The following DMBT1 variants were observed in gnomAD, a reference collection of about 807,000 sequenced individuals.
The protein encoded by DMBT1 is deleted in malignant brain tumors 1, also known as scavenger receptor cysteine-rich domain-containing protein DMBT1.
Under a neutral mutation model 252.9 loss-of-function variants are expected in DMBT1, and 198 were observed. The ratio of observed to expected loss-of-function variants is 0.78; its 90% CI spans 0.70 to 0.88. DMBT1 has a LOEUF of 0.88. DMBT1 is among the 40% of genes least tolerant of loss of function. DMBT1 has a pLI of 0.00. For synonymous variants in DMBT1, 990 were observed against 942.7 expected (o/e 1.05, Z -0.92); for missense variants, 2,432 against 2,404.7 (o/e 1.01, Z -0.24).
rs777711934 is a variant in DMBT1, at chr10:122,621,346, T to C, written c.5574T>C (p.Cys1858=). 6.2e-7 allele frequency: 1 copy of C among 1,613,854 alleles called. No homozygotes were observed. Among genetic ancestry groups the C allele is most frequent in the Non-Finnish European group, 8.5e-7 (1 of 1,179,758 alleles). The part of the protein sequence containing the change: ...CPHKGWLTHN[C]GHHEDAGVIC... ...ACAAAGGCTGGCTCACCCACAACTG[T>C]GGCCATCACGAAGACGCTGGTGTCA... Residue 1858 remains cysteine (C), a synonymous_variant, in exon 44 of 56, where the codon TGT becomes TGC. Transcript: ENST00000338354.
In DMBT1 at chr10:122,625,299, G is replaced by T; in HGVS notation, c.5631G>T (p.Thr1877=). 1.2e-6 allele frequency: 2 copies of T among 1,610,850 alleles called. No individual in the cohort carries two copies. Among genetic ancestry groups the T allele is most frequent in the Non-Finnish European group, 1.7e-6 (2 of 1,178,498 alleles). ...CAGCCACCCAAATAAATTCTACTAC[G>T]ACAGGTGAGTCTGCTACACCCCAGT... ...ICSATQINST[T]TDWWHPTTTT... is the part of the protein sequence containing the mutation. The change falls in exon 45 of 56, where the codon ACG becomes ACT. Residue 1877 remains threonine, a synonymous_variant. Coordinates refer to ENST00000338354, the MANE Select transcript of DMBT1 (RefSeq NM_001377530.1).
Position 122,633,253 on chromosome 10 carries a change from C to A in DMBT1, c.6460C>A (p.Pro2154Thr). ...PSGDFSSPFY[P>T]GNYPNNAKCV... Reference sequence around the variant, plus strand: ...AGGGGACTTTTCCAGCCCATTCTATCCCGGGAACTATCCAAACAATGCCAA... The same window carrying A: ...AGGGGACTTTTCCAGCCCATTCTATACCGGGAACTATCCAAACAATGCCAA... Residue 2154 changes from proline to threonine, a missense_variant, in exon 52 of 56, where the codon CCC becomes ACC. Physicochemically the swap from Pro to Thr is conservative, Grantham distance 38. Around this residue, in one of 3 missense-constraint regions of DMBT1, gnomAD observed 1,162 missense variants for 1,169.0 expected, o/e 0.99. Transcript: ENST00000338354. 6.2e-7 allele frequency: 1 copy of A among 1,614,030 alleles called. No individual in the cohort carries two copies. The highest frequency in any genetic ancestry group is 8.5e-7 in the Non-Finnish European group (1 of 1,179,902).
At chr10:122,618,393 A>C (rs962059519) in intron 41 of DMBT1, 53 bp downstream of exon 41, 2 of 1,613,078 alleles carry the variant, frequency 1.2e-6, no homozygotes, top group Non-Finnish European at 1.7e-6. Context: ...TTGCTCAGGA[A>C]GAAAATCCTA....
At chr10:122,637,041 C>CT (rs540637415) in intron 53 of DMBT1, 87 bp from the exon 54 acceptor site, 1 of 1,357,832 alleles carries the variant, frequency 7.4e-7, no homozygotes, top group Non-Finnish European at 1.0e-6. Flanking sequence ...GGTCTGTGCA[C>CT]TTTTTAAGTG....
In DMBT1 at chr10:122,585,280, C is replaced by T. The variant is rs369972758; in HGVS notation, c.1430C>T (p.Pro477Leu). 57 of 1,586,776 alleles carry T rather than the reference C, an allele frequency of 3.6e-5. 1 individual carries two copies. The highest frequency in any genetic ancestry group is 1.7e-4 in the Admixed American group (10 of 59,520). ...TCTGTTGCAATTACAGACACGTTGC[C>T]GACCATCACCTTACCTGCATCGACA... ...SWSTPSPDTL[P>L]TITLPASTVG... The change falls in exon 15 of 56, where the codon CCG becomes CTG. Residue 477 changes from proline (P) to leucine (L), a missense_variant. Transcript: ENST00000338354.
intron 26 of DMBT1, among the ~76,000 whole-genome samples, chr10:122,599,627 A>T (rs930644524): frequency 1.6e-4 from 25 of 152,182 alleles, no homozygotes; most frequent in Admixed American, 1.3e-4. Flanking sequence ...GTCCTCTCAG[A>T]TCACTGCTGA....
intron 10 of DMBT1, 127 bp from the exon 11 acceptor site, chr10:122,580,739 C>G (rs145294061): frequency 1.5e-6 from 2 of 1,356,330 alleles, no homozygotes; most frequent in African/African-American, 2.9e-5. Context: ...TGGCAATGTC[C>G]CTCCCTGTGT....
At chr10:122,622,052 T>C (rs2098075286) in intron 44 of DMBT1, among the ~76,000 whole-genome samples, 2 of 152,182 alleles carry the variant, frequency 1.3e-5, no homozygotes, top group African/African-American at 4.8e-5. Flanking sequence ...TCCTGAGACT[T>C]GCTGACTTGG....
At chr10:122,568,969 G>A (rs949206631) in intron 2 of DMBT1, among the ~76,000 whole-genome samples, 2 of 152,202 alleles carry the variant, frequency 1.3e-5, no homozygotes, top group Admixed American at 1.3e-4. Flanking sequence ...CCACACATAA[G>A]TATGTGTGCG....
intron 20 of DMBT1, among the ~76,000 whole-genome samples, chr10:122,593,179 A>G (rs761623536): frequency 2.7e-5 from 4 of 148,844 alleles, no homozygotes; most frequent in Non-Finnish European, 6.0e-5. Flanking sequence ...TGGGGAGGGC[A>G]GCCCCCATGA....
At chr10:122,591,849 A>C (rs1294051278) in intron 19 of DMBT1, among the ~76,000 whole-genome samples, 1 of 149,130 alleles carries the variant, frequency 6.7e-6, no homozygotes, top group African/African-American at 2.4e-5. Flanking sequence ...GGGAGGGTGA[A>C]AATTTCTGTC....
At chr10:122,562,109 A>G (rs563859162) in intron 1 of DMBT1, among the ~76,000 whole-genome samples, 82 of 143,576 alleles carry the variant, frequency 5.7e-4, no homozygotes, top group African/African-American at 2.1e-3. Context: ...CTTTGTTTCT[A>G]TCTTCTTTCT....
At chr10:122,598,055 T>A in intron 25 of DMBT1, 43 bp downstream of exon 25, 1 of 1,612,784 alleles carries the variant, frequency 6.2e-7, no homozygotes, top group South Asian at 1.1e-5. Flanking sequence ...ACTCTCTACC[T>A]CTGGACAAAT....
chr10:122,560,918 G>C, intron 1 of DMBT1, 87 bp downstream of exon 1: 4 of 1,044,516 alleles, frequency 3.8e-6, no homozygotes, highest in Non-Finnish European at 5.7e-6. Flanking sequence ...CATTACAAGG[G>C]AAGTTTTATA....
chr10:122,629,732 G>T lies in DMBT1; in HGVS notation c.5669-108G>T, dbSNP rs542469755. The stretch of plus-strand genomic sequence containing the variant: ...TTGTTTACAGGGAAAGTTAAGTCTT[G>T]TTATAAAGTGCAGAAGATGAAACTG... On this transcript the variant is annotated intron_variant, in intron 46 of 55. Transcript: ENST00000338354. The T allele has an allele frequency of 4.6e-5, 62 of 1,343,048 alleles. No homozygotes were observed. In the African/African-American group the frequency reaches 8.1e-4, roughly 17 times the overall value. The allele number at this position is 1,343,048 out of a possible 1,614,324, so 83.2% of individuals were successfully genotyped here.
Position 122,625,972 on chromosome 10 carries a change from A to G in DMBT1, c.5668+7A>G, listed in dbSNP as rs370114488. On this transcript the variant is annotated splice_region_variant and intron_variant, in intron 46 of 55. Transcript: ENST00000338354. Reference sequence around the variant, plus strand: ...ACAACTACAACCACTGCAAGTAGGTATCACATTTTCTACCTGAACCATAGG... The same window carrying G: ...ACAACTACAACCACTGCAAGTAGGTGTCACATTTTCTACCTGAACCATAGG... The G allele has an allele frequency of 1.3e-4, 206 of 1,609,446 alleles. 1 individual carries two copies. Among genetic ancestry groups the G allele is most frequent in the Non-Finnish European group, 1.7e-4 (201 of 1,175,814 alleles).
At chr10:122,563,545 C>T (rs2097565654) in intron 1 of DMBT1, among the ~76,000 whole-genome samples, 1 of 150,972 alleles carries the variant, frequency 6.6e-6, no homozygotes, top group Non-Finnish European at 1.5e-5. Context: ...CGAGATTGTG[C>T]CACTGCACTC....
chr10:122,580,951 C>T, intron 11 of DMBT1, 56 bp downstream of exon 11: 3 of 1,592,104 alleles, frequency 1.9e-6, no homozygotes, highest in Non-Finnish European at 2.6e-6. Flanking sequence ...CCAATCACCC[C>T]TTCCACACTC....
At chr10:122,562,353 T>G (rs1303160589) in intron 1 of DMBT1, among the ~76,000 whole-genome samples, 1 of 152,190 alleles carries the variant, frequency 6.6e-6, no homozygotes, top group Non-Finnish European at 1.5e-5. Flanking sequence ...TCTGGTTGGT[T>G]GCTTTCATGA....
Sources: allele counts gnomAD v4.1 joint callset (sites outside exome capture counted in the v4.1 genomes callset), GRCh38; gene constraint gnomAD v4.1.1; regional missense constraint gnomAD v4.1.1; transcripts MANE v1.5; gene names NCBI Gene and HGNC (gene_info 2026-07-23, HGNC 2026-07-21).